Variants in GLRA3 observed in about 807,000 individuals in gnomAD.
The protein encoded by GLRA3 is glycine receptor alpha 3.
A neutral mutation model predicts 60.4 loss-of-function variants in GLRA3; 44 were observed. That is an observed-to-expected ratio of 0.73 (90% CI 0.57 to 0.94). The LOEUF (loss-of-function observed/expected upper bound fraction) is 0.94. Ranked by LOEUF, GLRA3 falls within the 40% of genes least tolerant of loss-of-function variation. GLRA3 has a pLI of 0.00. For synonymous variants in GLRA3, 223 were observed against 192.9 expected, an observed-to-expected ratio of 1.16 and a Z score of -1.29; for missense variants, 508 against 564.6, an observed-to-expected ratio of 0.90 and a Z score of 1.02.
chr4:174,801,033 A>G lies in GLRA3; in HGVS notation c.72-12090T>C, dbSNP rs560300363. On this transcript the variant is annotated intron_variant, in intron 1 of 9. Coordinates refer to ENST00000274093, the MANE Select transcript of GLRA3 (RefSeq NM_006529.4). ...GTAGGCTAATAATGTAAGTGTACTC[A>G]GCATGTTTAAGGTAGAGTCGGCTAA... is the stretch of plus-strand genomic sequence containing the variant. Among the ~76,000 whole-genome samples the G allele has an allele frequency of 1.1e-4, 17 of 152,208 alleles. No individual in the cohort carries two copies. In the Middle Eastern group the frequency reaches 0.01, roughly 91 times the overall value.
intron 1 of GLRA3, among the ~76,000 whole-genome samples, chr4:174,815,354 G>A (rs979203841): frequency 1.3e-5 from 2 of 152,202 alleles, no homozygotes; most frequent in African/African-American, 4.8e-5. Context: ...CAAGCTGTCA[G>A]TGGATCTGCT....
intron 9 of GLRA3, among the ~76,000 whole-genome samples, chr4:174,654,805 A>C (rs1733139951): frequency 6.6e-6 from 1 of 152,144 alleles, no homozygotes; most frequent in Admixed American, 6.6e-5. Context: ...ACAAGCACAC[A>C]CACACAGCAC....
chr4:174,798,500 T>C (rs181482128), intron 1 of GLRA3, among the ~76,000 whole-genome samples: 3 of 152,136 alleles, frequency 2.0e-5, no homozygotes, highest in Non-Finnish European at 2.9e-5. Context: ...ATGTTTCGAG[T>C]ATTTCAAACT....
intron 3 of GLRA3, among the ~76,000 whole-genome samples, chr4:174,740,952 G>A (rs866077174): frequency 1.3e-5 from 2 of 152,120 alleles, no homozygotes; most frequent in African/African-American, 4.8e-5. Context: ...TCAATTGTAC[G>A]GGCGTGCCAC....
At chr4:174,644,862 TA>T (rs35770550) in intron 9 of GLRA3, among the ~76,000 whole-genome samples, 36,328 of 151,670 alleles carry the variant, frequency 0.24, 5,382 homozygotes, top group East Asian at 0.4. Flanking sequence ...AAAATTTAAA[TA>T]AAAAATTATT....
At chr4:174,646,275 C>T (rs1486018021) in intron 9 of GLRA3, among the ~76,000 whole-genome samples, 4 of 152,158 alleles carry the variant, frequency 2.6e-5, no homozygotes, top group Admixed American at 1.3e-4. Flanking sequence ...CTTAGCTGCT[C>T]ATCTCAAAAC....
intron 7 of GLRA3, among the ~76,000 whole-genome samples, chr4:174,675,746 T>C (rs952483259): frequency 6.6e-6 from 1 of 152,190 alleles, no homozygotes; most frequent in African/African-American, 2.4e-5. Flanking sequence ...TACAATTAAT[T>C]GTTAATAAAA....
At chr4:174,718,996 G>T (rs1250878212) in intron 4 of GLRA3, among the ~76,000 whole-genome samples, 1 of 115,154 alleles carries the variant, frequency 8.7e-6, no homozygotes, top group African/African-American at 3.4e-5. Context: ...ACGGAGTCTC[G>T]CTGTCGCCCA....
intron 1 of GLRA3, among the ~76,000 whole-genome samples, chr4:174,827,158 A>G (rs992500570): frequency 1.3e-5 from 2 of 151,992 alleles, no homozygotes; most frequent in African/African-American, 4.8e-5. Context: ...ATTATTTAAC[A>G]TTAAAAAAGA....
At chr4:174,647,638 A>C (rs1732876607) in intron 9 of GLRA3, among the ~76,000 whole-genome samples, 1 of 152,198 alleles carries the variant, frequency 6.6e-6, no homozygotes, top group African/African-American at 2.4e-5. Flanking sequence ...GTGAGCCACA[A>C]ATAAAAGCCA....
Position 174,740,012 on chromosome 4 carries a change from A to C in GLRA3, c.268-11314T>G, listed in dbSNP as rs146465459. Among the ~76,000 whole-genome samples, 793 of 152,200 alleles carry C rather than the reference A, an allele frequency of 5.2e-3. 4 individuals carry two copies. Among genetic ancestry groups the C allele is most frequent in the Middle Eastern group, 0.014 (4 of 292 alleles). On this transcript the variant is annotated intron_variant, in intron 3 of 9. Coordinates refer to ENST00000274093, the MANE Select transcript of GLRA3 (RefSeq NM_006529.4). Reference sequence around the variant, plus strand: ...TATTCTGTATCGCCTCTGTAGGCTGACTTTGTGTGGGATAGAAAACCTGTT... The same window carrying C: ...TATTCTGTATCGCCTCTGTAGGCTGCCTTTGTGTGGGATAGAAAACCTGTT...
At chr4:174,774,364 A>ATGTG (rs141440746) in intron 2 of GLRA3, among the ~76,000 whole-genome samples, 51 of 150,692 alleles carry the variant, frequency 3.4e-4, no homozygotes, top group Non-Finnish European at 5.2e-4. Flanking sequence ...GTGTGTGTGT[A>ATGTG]TGTGTGTGTG....
chr4:174,808,257 G>C (rs537787209), intron 1 of GLRA3, among the ~76,000 whole-genome samples: 1 of 152,178 alleles, frequency 6.6e-6, no homozygotes, highest in African/African-American at 2.4e-5. Context: ...CATGCACCAC[G>C]TAACGACATT....
Position 174,682,789 on chromosome 4 carries a change from AC to A in GLRA3, c.712+12del, listed in dbSNP as rs1734404742. On this transcript the variant is annotated intron_variant, in intron 6 of 9. Coordinates refer to ENST00000274093, the MANE Select transcript of GLRA3 (RefSeq NM_006529.4). ...ACAAGTAGTAAGTGTAAAGAACACT[AC>A]TCAACCCCTACCTGTATTGTAATGT... 1 of 1,598,620 alleles carries A rather than the reference AC, an allele frequency of 6.3e-7. No homozygotes were observed. Among genetic ancestry groups the A allele is most frequent in the Non-Finnish European group, 8.6e-7 (1 of 1,167,086 alleles).
chr4:174,768,698 C>G (rs1386474053), intron 2 of GLRA3, among the ~76,000 whole-genome samples: 1 of 152,086 alleles, frequency 6.6e-6, no homozygotes, highest in East Asian at 1.9e-4. Flanking sequence ...CCATCATTAA[C>G]ATTTTAGGGA....
At chr4:174,770,603 A>G (rs575612010) in intron 2 of GLRA3, among the ~76,000 whole-genome samples, 1 of 64,904 alleles carries the variant, frequency 1.5e-5, no homozygotes, top group African/African-American at 4.6e-5. Context: ...TACTAAACAT[A>G]GGAATGTCTA....
At position 174,705,047 on chromosome 4, in the gene GLRA3, G is replaced by T. The variant is rs919152746; in HGVS notation, c.574+10441C>A. On this transcript the variant is annotated intron_variant, in intron 5 of 9. Coordinates refer to ENST00000274093, the MANE Select transcript of GLRA3 (RefSeq NM_006529.4). ...TGAAGATACCAAATACTACTGAACCGAATGCTTGAAAATGGTTAAGATGGT... is the reference window on the plus strand; with the variant it reads ...TGAAGATACCAAATACTACTGAACCTAATGCTTGAAAATGGTTAAGATGGT... Among the ~76,000 whole-genome samples the T allele has an allele frequency of 2.1e-5, 3 of 143,856 alleles. 1 individual carries two copies. Among genetic ancestry groups the T allele is most frequent in the Non-Finnish European group, 4.6e-5 (3 of 64,722 alleles). 94.4% of individuals were successfully genotyped at this position (143,856 alleles called of 152,430 possible).
At chr4:174,767,123 T>TACACAC (rs10551381) in intron 2 of GLRA3, 93 bp from the exon 3 acceptor site, 43 of 471,888 alleles carry the variant, frequency 9.1e-5, no homozygotes, top group African/African-American at 5.1e-4. Context: ...TATTCCATTT[T>TACACAC]ACACACACAC....
rs1268444883 is a variant in GLRA3, at chr4:174,667,227, A to G, written c.928-8030T>C. On this transcript the variant is annotated intron_variant, in intron 7 of 9. Transcript: ENST00000274093. Reference sequence around the variant, plus strand: ...AGTCAACCCTGATCACAAGAGCACTAGGAGATGTAATCCTACCACATGCCT... The same window carrying G: ...AGTCAACCCTGATCACAAGAGCACTGGGAGATGTAATCCTACCACATGCCT... 7.2e-5 allele frequency among the ~76,000 whole-genome samples: 11 copies of G among 152,082 alleles called. No individual in the cohort carries two copies. In the East Asian group the frequency reaches 2.1e-3, roughly 29 times the overall value.
Sources: allele counts gnomAD v4.1 joint callset (sites outside exome capture counted in the v4.1 genomes callset), GRCh38; gene constraint gnomAD v4.1.1; transcripts MANE v1.5; gene names NCBI Gene and HGNC (gene_info 2026-07-23, HGNC 2026-07-21).